The following FCHSD1 variants were observed in gnomAD, a reference collection of about 807,000 sequenced individuals.
The protein encoded by FCHSD1 is FCH and double SH3 domains 1.
In FCHSD1, 109 loss-of-function variants were observed where a neutral mutation model predicts 101.3. That is an observed-to-expected ratio of 1.08 (90% CI 0.92 to 1.26). FCHSD1 has a LOEUF of 1.26. FCHSD1 is among the 50% of genes most tolerant of loss of function. The pLI, the probability that FCHSD1 is intolerant of heterozygous loss-of-function variation, is 0.00. For missense variants in FCHSD1, 820 were observed against 895.8 expected, an observed-to-expected ratio of 0.92 and a Z score of 1.08; for synonymous variants, 291 against 356.8, an observed-to-expected ratio of 0.82 and a Z score of 2.08.
intron 8 of FCHSD1, 189 bp downstream of exon 8, chr5:141,647,779 G>C (rs1234419645): frequency 1.1e-5 from 11 of 990,782 alleles, no homozygotes; most frequent in Non-Finnish European, 1.6e-5. Context: ...GGGTTCGGAA[G>C]AGTTTAAGTG....
chr5:141,649,978 C>T lies in FCHSD1; in HGVS notation c.166-24G>A. The T allele has an allele frequency of 6.5e-7, 1 of 1,527,206 alleles. No homozygotes were observed. Among genetic ancestry groups the T allele is most frequent in the Non-Finnish European group, 8.8e-7 (1 of 1,139,088 alleles). 94.6% of individuals were successfully genotyped at this position (1,527,206 alleles called of 1,614,324 possible). On this transcript the variant is annotated intron_variant, in intron 3 of 19. Coordinates refer to ENST00000435817, the MANE Select transcript of FCHSD1 (RefSeq NM_033449.3). The surrounding 1 kb of genome is among the most constrained non-coding windows in gnomAD (Gnocchi z 4.1). The stretch of plus-strand genomic sequence containing the variant: ...GCCTGGTGAAAAAGCCATCACAGAA[C>T]CAAGTTCCCTTTCAAAGACCCACCC...
intron 15 of FCHSD1, 82 bp downstream of exon 15, chr5:141,644,777 C>T: frequency 6.2e-7 from 1 of 1,600,598 alleles, no homozygotes; most frequent in Non-Finnish European, 8.5e-7. Context: ...TCTAGCTTTG[C>T]CTAGAAGGGT....
At position 141,649,914 on chromosome 5, in the gene FCHSD1, C is replaced by T. The variant is rs750942078; in HGVS notation, c.206G>A (p.Gly69Glu). Residue 69 changes from glycine (G) to glutamate (E), a missense_variant, in exon 4 of 20, where the codon GGG (glycine) becomes GAG (glutamate). Physicochemically the swap from Gly to Glu is moderately conservative, Grantham distance 98 (BLOSUM62 -2). Transcript: ENST00000435817. This position sits in a 1 kb window ranked among gnomAD's most constrained non-coding sequence, Gnocchi z 4.1. ...KLAGPFLKRE[G>E]HRSGEMDSRG... ...GCTGTCCATCTCACCGCTCCGGTGC[C>T]CTTCCCTCTTCAGGAATGGGCCAGC... is the stretch of plus-strand genomic sequence containing the variant. 3 of 1,550,946 alleles carry T rather than the reference C, an allele frequency of 1.9e-6. No individual in the cohort carries two copies. Among genetic ancestry groups the T allele is most frequent in the Non-Finnish European group, 2.6e-6 (3 of 1,147,876 alleles).
intron 18 of FCHSD1, chr5:141,642,387 GA>G: frequency 1.4e-6 from 1 of 690,848 alleles, no homozygotes; most frequent in Non-Finnish European, 2.6e-6. Flanking sequence ...GGCGAGGGTT[GA>G]AAAATTACCT....
chr5:141,645,671 T>G, intron 13 of FCHSD1, 100 bp downstream of exon 13: 6 of 1,376,644 alleles, frequency 4.4e-6, no homozygotes, highest in East Asian at 2.5e-5. Context: ...AATAACCCTT[T>G]GAGTTAGGCA....
intron 10 of FCHSD1, 130 bp from the exon 11 acceptor site, chr5:141,646,852 G>C (rs916367497): frequency 1.5e-6 from 2 of 1,347,236 alleles, no homozygotes; most frequent in African/African-American, 2.9e-5. Flanking sequence ...CTACAGTCAT[G>C]GACACAGGTA....
intron 8 of FCHSD1, 161 bp from the exon 9 acceptor site, chr5:141,647,681 T>A: frequency 8.7e-7 from 1 of 1,155,500 alleles, no homozygotes; most frequent in Non-Finnish European, 1.2e-6. Context: ...CTTAGAAGTT[T>A]AAAACACGTT....
intron 1 of FCHSD1, 61 bp from the exon 2 acceptor site, chr5:141,651,178 G>T (rs2099908346): frequency 3.9e-6 from 6 of 1,528,334 alleles, no homozygotes; most frequent in Non-Finnish European, 5.3e-6. Context: ...ACTCCGCGCA[G>T]GGAGCGGTGA....
chr5:141,640,573 G>C lies in FCHSD1; in HGVS notation c.*925C>G. 1 of 1,556,270 alleles carries C rather than the reference G, an allele frequency of 6.4e-7. No individual in the cohort carries two copies. On this transcript the variant is annotated 3_prime_UTR_variant, in exon 20 of 20. Transcript: ENST00000435817. ...CTTAGCCTTTGCTATAAATCCCTTG[G>C]TTTGGTGGTGGAGGTAGGGAAGGTC... is the stretch of plus-strand genomic sequence containing the variant.
chr5:141,651,210 C>G, intron 1 of FCHSD1, 93 bp from the exon 2 acceptor site: 3 of 1,497,078 alleles, frequency 2.0e-6, no homozygotes, highest in Non-Finnish European at 2.7e-6. Flanking sequence ...CGGGGGGGTG[C>G]TGAGCTCTTT....
At position 141,644,641 on chromosome 5, in the gene FCHSD1, T is replaced by C. The variant is rs1318354035; in HGVS notation, c.1574A>G (p.Asn525Ser). 3.1e-6 allele frequency: 5 copies of C among 1,613,836 alleles called. No individual in the cohort carries two copies. The highest frequency in any genetic ancestry group is 4.2e-6 in the Non-Finnish European group (5 of 1,179,860). ...CTCTGGGAGGGAGAGGTCCGGGAAG[T>C]TGAGATATCGCTCAGGGACAAAGCC... ...EVGFVPERYL[N>S]FPDLSLPESS... The change falls in exon 16 of 20, where the codon AAC becomes AGC. Residue 525 changes from asparagine to serine, a missense_variant. Transcript: ENST00000435817.
In FCHSD1 at chr5:141,640,883, C is replaced by T. The variant is rs570976701; in HGVS notation, c.*615G>A. On this transcript the variant is annotated 3_prime_UTR_variant, in exon 20 of 20. Transcript: ENST00000435817. ...CCTGCCTGCAACAGGCTGCCTGCCCCGCCTTCCCCAACACCTCGCTCCATA... is the reference window on the plus strand; with the variant it reads ...CCTGCCTGCAACAGGCTGCCTGCCCTGCCTTCCCCAACACCTCGCTCCATA... The T allele has an allele frequency of 1.7e-5, 10 of 585,358 alleles. No homozygotes were observed. The highest frequency in any genetic ancestry group is 4.4e-5 in the South Asian group (2 of 45,318). 36.3% of individuals were successfully genotyped at this position (585,358 alleles called of 1,614,324 possible).
chr5:141,644,897 C>T lies in FCHSD1; in HGVS notation c.1486G>A (p.Glu496Lys). Residue 496 changes from glutamate to lysine, a missense_variant, in exon 15 of 20, where the codon GAG (glutamate) becomes AAG (lysine). Physicochemically the swap from Glu to Lys is moderately conservative, Grantham distance 56. Transcript: ENST00000435817. ...ELTITEGEWLEVIEEGDADEW... is the reference protein window; with the variant it reads ...ELTITEGEWLKVIEEGDADEW... Reference sequence around the variant, plus strand: ...TCAGCATCTCCCTCCTCTATGACCTCCAGCCACTCACCCTCCGTGATTGTC... The same window carrying T: ...TCAGCATCTCCCTCCTCTATGACCTTCAGCCACTCACCCTCCGTGATTGTC... 1 of 1,613,928 alleles carries T rather than the reference C, an allele frequency of 6.2e-7. No homozygotes were observed. Among genetic ancestry groups the T allele is most frequent in the Non-Finnish European group, 8.5e-7 (1 of 1,179,884 alleles).
At chr5:141,642,279 T>C in intron 18 of FCHSD1, 1 of 577,662 alleles carries the variant, frequency 1.7e-6, no homozygotes, top group Non-Finnish European at 3.0e-6. Flanking sequence ...TGTTCTCACT[T>C]ATAAGTGGGA....
chr5:141,641,701 C>T lies in FCHSD1; in HGVS notation c.2007+1G>A, dbSNP rs751126510. 2 of 1,614,038 alleles carry T rather than the reference C, an allele frequency of 1.2e-6. No individual in the cohort carries two copies. Among genetic ancestry groups the T allele is most frequent in the Non-Finnish European group, 1.7e-6 (2 of 1,179,900 alleles). ...ATCTCCTCCAAGGCAAGGGCCCTTA[C>T]CGGCCTGAGTCGAGGTGCCATCATG... is the stretch of plus-strand genomic sequence containing the variant. On this transcript the variant is annotated splice_donor_variant, in intron 19 of 19. Transcript: ENST00000435817. LOFTEE classifies it high-confidence loss of function.
Position 141,640,028 on chromosome 5 carries a change from T to C in FCHSD1, c.*1470A>G. 1.2e-6 allele frequency: 2 copies of C among 1,613,292 alleles called. No individual in the cohort carries two copies. The highest frequency in any genetic ancestry group is 1.7e-5 in the Admixed American group (1 of 59,988). On this transcript the variant is annotated 3_prime_UTR_variant, in exon 20 of 20. Transcript: ENST00000435817. ...GTGGGGGACAGGACCCAGGGGGTGG[T>C]CAGGGGTCTGGGGGAGGGCAGCCCA...
chr5:141,647,325 G>A, intron 9 of FCHSD1, 73 bp downstream of exon 9: 1 of 1,565,810 alleles, frequency 6.4e-7, no homozygotes, highest in East Asian at 2.3e-5. Context: ...AATGTGTGAA[G>A]CAAAGAGGGC....
chr5:141,650,311 A>G (rs764274007), intron 3 of FCHSD1, 48 bp downstream of exon 3: 1 of 1,611,972 alleles, frequency 6.2e-7, no homozygotes, highest in Non-Finnish European at 8.5e-7. Context: ...TACTGGTGAT[A>G]TAAGAGAGGC....
chr5:141,642,598 A>G (rs1269692380), intron 18 of FCHSD1: 15 of 549,386 alleles, frequency 2.7e-5, no homozygotes, highest in Non-Finnish European at 1.6e-5. Context: ...AGGTATCTGG[A>G]CACTAGGAGC....
Sources: allele counts gnomAD v4.1 joint callset, GRCh38; gene constraint gnomAD v4.1.1; non-coding constraint Gnocchi (gnomAD v3.1); transcripts MANE v1.5; gene names NCBI Gene and HGNC (gene_info 2026-07-23, HGNC 2026-07-21).